ATP8A1: variants seen among roughly 807,000 people sequenced by gnomAD.
ATP8A1 encodes phospholipid-transporting ATPase IA.
ATP8A1 carries 90 observed loss-of-function variants against 177.7 expected under a neutral mutation model. That is an observed-to-expected ratio of 0.51 (90% CI 0.43 to 0.60). The LOEUF is 0.60. ATP8A1 is among the 20% of genes least tolerant of loss of function. ATP8A1 has a pLI of 0.00. For synonymous variants in ATP8A1, 493 were observed against 485.9 expected, an observed-to-expected ratio of 1.01 and a Z score of -0.19; for missense variants, 1,072 against 1,392.8, an observed-to-expected ratio of 0.77 and a Z score of 3.67.
intron 19 of ATP8A1, among the ~76,000 whole-genome samples, chr4:42,548,626 A>AT (rs1729170871): frequency 6.6e-6 from 1 of 152,158 alleles, no homozygotes; most frequent in Admixed American, 6.5e-5. Context: ...CTACTTTATT[A>AT]TCAAACATCA....
intron 22 of ATP8A1, among the ~76,000 whole-genome samples, chr4:42,507,804 A>C (rs1001260606): frequency 2.7e-5 from 4 of 147,972 alleles, no homozygotes; most frequent in African/African-American, 7.4e-5. Context: ...AAAAAAAAAA[A>C]AAAAACATAC....
chr4:42,636,154 A>ACGCGTGCGCGCG (rs765930469), intron 1 of ATP8A1, among the ~76,000 whole-genome samples: 78 of 47,616 alleles, frequency 1.6e-3, no homozygotes, highest in African/African-American at 3.2e-3. Flanking sequence ...ACACACACAC[A>ACGCGTGCGCGCG]CACGCACACA....
chr4:42,569,647 CTT>C (rs986032287), intron 14 of ATP8A1, among the ~76,000 whole-genome samples: 90 of 152,172 alleles, frequency 5.9e-4, no homozygotes, highest in Middle Eastern at 3.4e-3. Context: ...TTAGAAGTAA[CTT>C]TGGCTACCAC....
intron 34 of ATP8A1, 91 bp from the exon 35 acceptor site, chr4:42,422,990 T>A: frequency 1.1e-6 from 1 of 905,294 alleles, no homozygotes; most frequent in Non-Finnish European, 1.7e-6. Flanking sequence ...ACGCGGTTGA[T>A]AAAGCACAAT....
chr4:42,413,674 A>G (rs1712886923), intron 36 of ATP8A1, among the ~76,000 whole-genome samples: 1 of 152,212 alleles, frequency 6.6e-6, no homozygotes, highest in African/African-American at 2.4e-5. Flanking sequence ...TATTTCGTCC[A>G]TGGCAAGTTC....
intron 24 of ATP8A1, among the ~76,000 whole-genome samples, chr4:42,492,803 T>C (rs1390265832): frequency 6.6e-6 from 1 of 152,242 alleles, no homozygotes; most frequent in Admixed American, 6.5e-5. Context: ...CAAATCACTT[T>C]TGGAAGATAT....
intron 9 of ATP8A1, among the ~76,000 whole-genome samples, chr4:42,584,819 C>T (rs1419747737): frequency 1.3e-5 from 2 of 152,212 alleles, no homozygotes; most frequent in Admixed American, 1.3e-4. Context: ...TCCTGGACAT[C>T]TCTGTTTGGA....
In ATP8A1 at chr4:42,514,395, G is replaced by GT. The variant is rs1267458482; in HGVS notation, c.1948-7242_1948-7241insA. Among the ~76,000 whole-genome samples, 8 of 152,328 alleles carry GT rather than the reference G, an allele frequency of 5.3e-5. No homozygotes were observed. In the East Asian group the frequency reaches 1.5e-3, roughly 29 times the overall value. Reference sequence around the variant, plus strand: ...TCATAAGAAGGAACCTATCCTACCAGAAAGGAGGAGCATGTGATTAGAGAT... The same window carrying GT: ...TCATAAGAAGGAACCTATCCTACCAGTAAAGGAGGAGCATGTGATTAGAGAT... On this transcript the variant is annotated intron_variant, in intron 22 of 36. Coordinates refer to ENST00000381668, the MANE Select transcript of ATP8A1 (RefSeq NM_006095.2).
intron 14 of ATP8A1, among the ~76,000 whole-genome samples, chr4:42,572,227 T>C (rs1034459841): frequency 1.3e-5 from 2 of 152,178 alleles, no homozygotes; most frequent in Non-Finnish European, 2.9e-5. Flanking sequence ...TCATACATAA[T>C]AGTTCCCATA....
intron 21 of ATP8A1, among the ~76,000 whole-genome samples, chr4:42,524,235 C>T (rs1335708741): frequency 6.6e-6 from 1 of 152,158 alleles, no homozygotes; most frequent in Non-Finnish European, 1.5e-5. Flanking sequence ...TTTGGATTCT[C>T]AGGCCTCACA....
intron 1 of ATP8A1, among the ~76,000 whole-genome samples, chr4:42,648,064 T>C (rs1018112725): frequency 6.6e-6 from 1 of 152,152 alleles, no homozygotes; most frequent in African/African-American, 2.4e-5. Flanking sequence ...AAAGTAGCAA[T>C]AATTGAAGAG....
intron 35 of ATP8A1, among the ~76,000 whole-genome samples, chr4:42,419,597 C>T (rs543913735): frequency 6.6e-6 from 1 of 152,214 alleles, no homozygotes; most frequent in Admixed American, 6.5e-5. Flanking sequence ...ACAGCAAATG[C>T]AAAGACTGGA....
At position 42,652,392 on chromosome 4, in the gene ATP8A1, T is replaced by C. The variant is rs80009971; in HGVS notation, c.49+4433A>G. 7.7e-4 allele frequency among the ~76,000 whole-genome samples: 117 copies of C among 152,320 alleles called. 2 individuals carry two copies. The East Asian group carries it at 0.019, about 24-fold the overall frequency. On this transcript the variant is annotated intron_variant, in intron 1 of 36. Coordinates refer to ENST00000381668, the MANE Select transcript of ATP8A1 (RefSeq NM_006095.2). The stretch of plus-strand genomic sequence containing the variant: ...TAAGATCCCTGATAATTTATGAACC[T>C]ACTACCAATGTTATTACTAATAAAA...
At chr4:42,568,058 T>C (rs1731533293) in intron 15 of ATP8A1, among the ~76,000 whole-genome samples, 1 of 152,224 alleles carries the variant, frequency 6.6e-6, no homozygotes, top group Admixed American at 6.5e-5. Context: ...ATATACAATA[T>C]TAAACTTGAA....
chr4:42,427,372 T>G (rs1051382970), intron 33 of ATP8A1, among the ~76,000 whole-genome samples: 1 of 152,226 alleles, frequency 6.6e-6, no homozygotes, highest in African/African-American at 2.4e-5. Context: ...TGGAAAGGTA[T>G]TCATAAAAGC....
At chr4:42,555,011 G>T (rs1199536564) in intron 16 of ATP8A1, among the ~76,000 whole-genome samples, 1 of 152,102 alleles carries the variant, frequency 6.6e-6, no homozygotes, top group African/African-American at 2.4e-5. Context: ...TGGCTTCCTT[G>T]CTCCTCAGTG....
intron 5 of ATP8A1, among the ~76,000 whole-genome samples, chr4:42,603,338 G>T (rs866428829): frequency 1.4e-4 from 22 of 152,032 alleles, no homozygotes; most frequent in African/African-American, 4.3e-4. Context: ...CCTCACGAGG[G>T]TTATTTTTTA....
intron 5 of ATP8A1, among the ~76,000 whole-genome samples, chr4:42,602,281 T>C (rs1735360183): frequency 6.6e-6 from 1 of 152,138 alleles, no homozygotes; most frequent in Non-Finnish European, 1.5e-5. Flanking sequence ...AACACAAGAC[T>C]CTAATGCCTG....
chr4:42,584,267 T>C (rs1560486947), intron 9 of ATP8A1, among the ~76,000 whole-genome samples: 3 of 151,974 alleles, frequency 2.0e-5, no homozygotes, highest in African/African-American at 7.3e-5. Flanking sequence ...AAGAAGGGAA[T>C]GGAGGAGGAG....
Sources: gnomAD v4.1 joint callset for allele counts (sites outside exome capture counted in the v4.1 genomes callset) on GRCh38, gnomAD v4.1.1 for gene constraint, MANE v1.5 for transcripts, NCBI Gene and HGNC (gene_info 2026-07-23, HGNC 2026-07-21) for gene names.